PIEZO2: variants seen among roughly 807,000 people sequenced by gnomAD.
The protein encoded by PIEZO2 is piezo-type mechanosensitive ion channel component 2.
In PIEZO2, 172 loss-of-function variants were observed where a neutral mutation model predicts 337.3. That is an observed-to-expected ratio of 0.51 (90% CI 0.45 to 0.58). The LOEUF is 0.58. PIEZO2 is among the 20% of genes least tolerant of loss of function. The pLI, the probability that PIEZO2 is intolerant of heterozygous loss-of-function variation, is 0.00. For synonymous variants in PIEZO2, 1,251 were observed against 1,228.5 expected, an observed-to-expected ratio of 1.02 and a Z score of -0.38; for missense variants, 3,028 against 3,391.3, an observed-to-expected ratio of 0.89 and a Z score of 2.66.
Position 11,083,213 on chromosome 18 carries a change from G to A in PIEZO2, c.65-16991C>T, listed in dbSNP as rs1244674591. ...CAAATGTGAATATGCTGATTTTACA[G>A]ATGAAGACTATAGGGCCAAATGACT... On this transcript the variant is annotated intron_variant, in intron 1 of 55. Transcript: ENST00000674853. The surrounding 1 kb of genome is among the most constrained non-coding windows in gnomAD (Gnocchi z 4.4). Among the ~76,000 whole-genome samples the A allele has an allele frequency of 6.6e-6, 1 of 152,204 alleles. No individual in the cohort carries two copies. Among genetic ancestry groups the A allele is most frequent in the African/African-American group, 2.4e-5 (1 of 41,454 alleles).
At chr18:11,075,864 C>CT (rs1176019811) in intron 1 of PIEZO2, among the ~76,000 whole-genome samples, 4 of 150,860 alleles carry the variant, frequency 2.7e-5, no homozygotes, top group African/African-American at 9.8e-5. Context: ...TCTCCGCTCA[C>CT]TGCAAGCTCT....
At chr18:11,054,264 T>C (rs1311181877) in intron 2 of PIEZO2, among the ~76,000 whole-genome samples, 2 of 152,218 alleles carry the variant, frequency 1.3e-5, no homozygotes, top group Non-Finnish European at 2.9e-5. Flanking sequence ...AGTCTTGATT[T>C]CTTTAATTAC....
At chr18:11,012,962 T>C (rs1408185701) in intron 2 of PIEZO2, among the ~76,000 whole-genome samples, 1 of 152,134 alleles carries the variant, frequency 6.6e-6, no homozygotes, top group Admixed American at 6.5e-5. Context: ...GAGGATTGCT[T>C]GAGCCAGGGC....
In PIEZO2 at chr18:10,724,824, G is replaced by A. The variant is rs2036463844; in HGVS notation, c.5030-6565C>T. On this transcript the variant is annotated intron_variant, in intron 36 of 55. Transcript: ENST00000674853. The surrounding 1 kb of genome is among the most constrained non-coding windows in gnomAD (Gnocchi z 5.8). ...CTGAGCAGCAGTCGTTCTCACAGAT[G>A]CACCTGGGCCACGGCGGCCACATGC... The A allele has an allele frequency of 6.3e-7, 1 of 1,596,244 alleles. No homozygotes were observed. The highest frequency in any genetic ancestry group is 1.1e-5 in the South Asian group (1 of 88,832).
At position 10,787,137 on chromosome 18, in the gene PIEZO2, T is replaced by A. The variant is rs1464346307; in HGVS notation, c.2217A>T (p.Ser739=). The change falls in exon 16 of 56, where the codon TCA becomes TCT. Residue 739 remains serine (S), a synonymous_variant. Coordinates refer to ENST00000674853, the MANE Select transcript of PIEZO2 (RefSeq NM_001378183.1). ...GCACCAGCATAGTGTAAATAACCAC[T>A]GACATCCAAAAATATTTTAGAATTT... ...WRKILKYFWM[S]VVIYTMLVLI... 6.5e-7 allele frequency: 1 copy of A among 1,534,384 alleles called. No homozygotes were observed. Among genetic ancestry groups the A allele is most frequent in the Non-Finnish European group, 8.7e-7 (1 of 1,145,984 alleles).
rs1211265895 is a variant in PIEZO2, at chr18:10,750,726, TGTTATA to T, written c.4168-545_4168-540del. The stretch of plus-strand genomic sequence containing the variant: ...GGTTGTCTCATAACAATGAATTTTT[TGTTATA>T]GTTAAGTTTAAATCCTGAGTTGGAA... On this transcript the variant is annotated intron_variant, in intron 28 of 55. Coordinates refer to ENST00000674853, the MANE Select transcript of PIEZO2 (RefSeq NM_001378183.1). This position sits in a 1 kb window ranked among gnomAD's most constrained non-coding sequence, Gnocchi z 4.1. 6.6e-6 allele frequency among the ~76,000 whole-genome samples: 1 copy of T among 152,228 alleles called. No homozygotes were observed. The highest frequency in any genetic ancestry group is 2.4e-5 in the African/African-American group (1 of 41,458).
At chr18:10,921,922 G>A (rs2031443422) in intron 3 of PIEZO2, among the ~76,000 whole-genome samples, 2 of 152,250 alleles carry the variant, frequency 1.3e-5, no homozygotes, top group South Asian at 2.1e-4. Context: ...TTATTAGGAA[G>A]AGGAAATTCT....
intron 3 of PIEZO2, among the ~76,000 whole-genome samples, chr18:10,978,023 T>C (rs562857502): frequency 5.9e-4 from 90 of 152,206 alleles, no homozygotes; most frequent in Non-Finnish European, 1.1e-3. Context: ...TTGAATATAC[T>C]AAAAACTGCT....
intron 1 of PIEZO2, among the ~76,000 whole-genome samples, chr18:11,073,710 C>T (rs1454766067): frequency 1.3e-5 from 2 of 152,130 alleles, no homozygotes; most frequent in Admixed American, 1.3e-4. Context: ...AGATGCTACC[C>T]AAAAGTTATC....
rs1160240955 is a variant in PIEZO2, at chr18:11,110,928, C to A, written c.64+37597G>T. On this transcript the variant is annotated intron_variant, in intron 1 of 55. Coordinates refer to ENST00000674853, the MANE Select transcript of PIEZO2 (RefSeq NM_001378183.1). The surrounding 1 kb of genome is among the most constrained non-coding windows in gnomAD (Gnocchi z 4.2). ...CACGAGGTGAGGCCAGGATGCTGTG[C>A]CCCGCAAGCTCCCCTCCATGTGGTC... Among the ~76,000 whole-genome samples the A allele has an allele frequency of 6.6e-6, 1 of 152,176 alleles. No homozygotes were observed. Among genetic ancestry groups the A allele is most frequent in the African/African-American group, 2.4e-5 (1 of 41,438 alleles).
At chr18:10,869,498 T>C (rs1311817414) in intron 5 of PIEZO2, among the ~76,000 whole-genome samples, 1 of 152,208 alleles carries the variant, frequency 6.6e-6, no homozygotes, top group African/African-American at 2.4e-5. Flanking sequence ...AACTTGCTTT[T>C]ATAAATCATA....
At chr18:10,681,880 G>A in intron 50 of PIEZO2, 127 bp from the exon 51 acceptor site, 3 of 881,590 alleles carry the variant, frequency 3.4e-6, no homozygotes, top group Non-Finnish European at 5.2e-6. Flanking sequence ...ATGATACATG[G>A]CATCCGAGAT....
intron 2 of PIEZO2, among the ~76,000 whole-genome samples, chr18:11,061,029 C>T (rs1401597016): frequency 6.6e-6 from 1 of 152,182 alleles, no homozygotes; most frequent in Non-Finnish European, 1.5e-5. Context: ...CAAACCGAAT[C>T]CAGCAGCACA....
At chr18:10,774,148 C>T in intron 18 of PIEZO2, 110 bp from the exon 19 acceptor site, 1 of 672,180 alleles carries the variant, frequency 1.5e-6, no homozygotes, top group African/African-American at 1.8e-5. Context: ...TATTGCATTC[C>T]TGTATGCCTG....
intron 1 of PIEZO2, among the ~76,000 whole-genome samples, chr18:11,071,858 G>A (rs2038351199): frequency 6.6e-6 from 1 of 152,164 alleles, no homozygotes; most frequent in Non-Finnish European, 1.5e-5. Flanking sequence ...TTTTCCCTCT[G>A]AGTGGCCATG....
At chr18:11,072,102 C>T (rs1253454603) in intron 1 of PIEZO2, among the ~76,000 whole-genome samples, 1 of 152,156 alleles carries the variant, frequency 6.6e-6, no homozygotes, top group Admixed American at 6.5e-5. Flanking sequence ...CCCTGGTACC[C>T]CTCAAGCCTA....
At chr18:10,714,382 C>T (rs569801801) in intron 39 of PIEZO2, among the ~76,000 whole-genome samples, 2 of 152,214 alleles carry the variant, frequency 1.3e-5, no homozygotes, top group Admixed American at 6.5e-5. Flanking sequence ...TCAAGGATAG[C>T]AACAGAAGTA....
intron 2 of PIEZO2, among the ~76,000 whole-genome samples, chr18:11,012,548 G>A (rs187267515): frequency 1.6e-3 from 249 of 152,206 alleles, no homozygotes; most frequent in Middle Eastern, 6.8e-3. Context: ...GGTTTTCACT[G>A]TACGCTCTTG....
intron 22 of PIEZO2, 99 bp from the exon 23 acceptor site, chr18:10,762,724 G>C: frequency 7.8e-6 from 11 of 1,417,086 alleles, no homozygotes; most frequent in South Asian, 1.4e-5. Context: ...ATAGTGGTAG[G>C]ATGGGAGGGA....
Sources: allele counts gnomAD v4.1 joint callset (sites outside exome capture counted in the v4.1 genomes callset), GRCh38; gene constraint gnomAD v4.1.1; non-coding constraint Gnocchi (gnomAD v3.1); transcripts MANE v1.5; gene names NCBI Gene and HGNC (gene_info 2026-07-23, HGNC 2026-07-21).